COL4A1: variants seen among roughly 807,000 people sequenced by gnomAD.
COL4A1 encodes collagen alpha-1(IV) chain.
In COL4A1, 40 loss-of-function variants were observed where a neutral mutation model predicts 216.6. That is an observed-to-expected ratio of 0.18 (90% CI 0.14 to 0.24). The LOEUF is 0.24. Ranked by LOEUF, COL4A1 falls within the 10% of genes least tolerant of loss-of-function variation. The probability of loss-of-function intolerance (pLI) is 1.00; values close to 1 mark genes in which losing one functional copy is unlikely to be tolerated. For missense variants in COL4A1, 1,628 were observed against 2,196.8 expected, an observed-to-expected ratio of 0.74 and a Z score of 5.18; for synonymous variants, 839 against 810.7, an observed-to-expected ratio of 1.03 and a Z score of -0.59.
Position 110,174,615 on chromosome 13 carries a change from T to G in COL4A1, c.3325+8A>C, listed in dbSNP as rs769342033. 9.9e-6 allele frequency: 16 copies of G among 1,613,858 alleles called. No homozygotes were observed. Among genetic ancestry groups the G allele is most frequent in the African/African-American group, 1.3e-5 (1 of 74,776 alleles). On this transcript the variant is annotated splice_region_variant and intron_variant, in intron 38 of 51. Transcript: ENST00000375820. ...TCCCCAAGTCCAAGAGAAGCCCCCC[T>G]CACCTACCTGGATAGCCAACACTCC...
At chr13:110,208,124 G>A (rs1879602853) in intron 12 of COL4A1, among the ~76,000 whole-genome samples, 1 of 152,226 alleles carries the variant, frequency 6.6e-6, no homozygotes, top group Admixed American at 6.5e-5. Flanking sequence ...GCCTTCCACA[G>A]GCTGGCTACA....
At chr13:110,192,077 G>C in intron 24 of COL4A1, 137 bp downstream of exon 24, 1 of 854,318 alleles carries the variant, frequency 1.2e-6, no homozygotes, top group Non-Finnish European at 1.9e-6. Flanking sequence ...AGTCACTCCA[G>C]AGGGCTCGAC....
At chr13:110,166,092 G>T in intron 45 of COL4A1, 140 bp downstream of exon 45, 1 of 744,544 alleles carries the variant, frequency 1.3e-6, no homozygotes, top group East Asian at 2.5e-5. Context: ...TTGCTGCAAA[G>T]AATTCCCTAT....
intron 45 of COL4A1, among the ~76,000 whole-genome samples, chr13:110,165,570 CCCTTCCACACACCCTCCCTCA>C (rs1287604602): frequency 5.3e-5 from 8 of 151,706 alleles, no homozygotes; most frequent in Admixed American, 2.0e-4. Context: ...ACCCTCCCTC[CCCTTCCACACACCCTCCCTCA>C]CCTTCCACAC....
At chr13:110,164,465 C>T (rs148984732) in intron 46 of COL4A1, among the ~76,000 whole-genome samples, 2 of 152,168 alleles carry the variant, frequency 1.3e-5, no homozygotes, top group South Asian at 2.1e-4. Context: ...GAGAATTGTA[C>T]AGACAGTGCC....
chr13:110,181,173 T>C (rs574324963), intron 29 of COL4A1, 119 bp downstream of exon 29: 2 of 923,448 alleles, frequency 2.2e-6, no homozygotes, highest in South Asian at 2.8e-5. Context: ...TGTTATTTCA[T>C]CAAAAACAAA....
intron 1 of COL4A1, among the ~76,000 whole-genome samples, chr13:110,261,031 C>T (rs1225012175): frequency 2.9e-3 from 8 of 2,764 alleles, no homozygotes; most frequent in Non-Finnish European, 3.2e-3. Context: ...AGCGAGACTC[C>T]GTCTCAAAAA....
chr13:110,277,573 G>A (rs925069049), intron 1 of COL4A1, among the ~76,000 whole-genome samples: 2 of 150,658 alleles, frequency 1.3e-5, no homozygotes, highest in African/African-American at 2.5e-5. Flanking sequence ...CAAATCTCTC[G>A]GAACTGCTGT....
In COL4A1 at chr13:110,212,868, A is replaced by G. The variant is rs770831165; in HGVS notation, c.280-250T>C. ...CACTGCAAAGATATGGAACCAACCTAAGTACCTACCAACCAACGAGTGGAT... is the reference window on the plus strand; with the variant it reads ...CACTGCAAAGATATGGAACCAACCTGAGTACCTACCAACCAACGAGTGGAT... On this transcript the variant is annotated intron_variant, in intron 4 of 51. Transcript: ENST00000375820. 7.2e-5 allele frequency among the ~76,000 whole-genome samples: 11 copies of G among 152,298 alleles called. No homozygotes were observed. In the South Asian group the frequency reaches 8.3e-4, roughly 11 times the overall value.
At chr13:110,288,424 C>T (rs982981470) in intron 1 of COL4A1, among the ~76,000 whole-genome samples, 12 of 152,090 alleles carry the variant, frequency 7.9e-5, no homozygotes, top group Non-Finnish European at 1.5e-4. Flanking sequence ...ATCCATGGCT[C>T]AGGAGATCAG....
chr13:110,191,634 G>C, intron 24 of COL4A1: 1 of 688,608 alleles, frequency 1.5e-6, no homozygotes, highest in South Asian at 1.6e-5. Flanking sequence ...TTTCATTTAT[G>C]GATTTGAAAA....
At chr13:110,176,564 TG>T in intron 35 of COL4A1, 51 bp from the exon 36 acceptor site, 1 of 1,593,982 alleles carries the variant, frequency 6.3e-7, no homozygotes, top group Non-Finnish European at 8.6e-7. Flanking sequence ...CAGAAAGAGC[TG>T]GGGAACACAG....
rs672601346 is a variant in COL4A1, at chr13:110,179,352, C to T, written c.2263G>A (p.Gly755Arg). The T allele has an allele frequency of 6.2e-7, 1 of 1,614,112 alleles. No homozygotes were observed. Among genetic ancestry groups the T allele is most frequent in the Non-Finnish European group, 8.5e-7 (1 of 1,180,004 alleles). ...PGLPGIPGTPGEKGSIGVPGV... is the reference protein window; with the variant it reads ...PGLPGIPGTPREKGSIGVPGV... Reference sequence around the variant, plus strand: ...GGTACCCCAATGCTCCCCTTCTCCCCGGGTGTGCCAGGAATGCCGGGAAGA... The same window carrying T: ...GGTACCCCAATGCTCCCCTTCTCCCTGGGTGTGCCAGGAATGCCGGGAAGA... The change falls in exon 30 of 52, where the codon GGG becomes AGG. Residue 755 changes from glycine (G) to arginine (R), a missense_variant. By Grantham distance (125) the Gly-to-Arg change is moderately radical. Around this residue, in one of 8 missense-constraint regions of COL4A1, gnomAD observed 701 missense variants for 892.5 expected, o/e 0.79. Transcript: ENST00000375820.
chr13:110,168,051 G>C (rs536170016), intron 43 of COL4A1, among the ~76,000 whole-genome samples: 1 of 151,424 alleles, frequency 6.6e-6, no homozygotes, highest in Admixed American at 6.6e-5. Context: ...ACAGAGTCTC[G>C]CTCTGTCATC....
chr13:110,209,842 G>T, intron 10 of COL4A1, 138 bp downstream of exon 10: 1 of 1,064,032 alleles, frequency 9.4e-7, no homozygotes, highest in Non-Finnish European at 1.5e-6. Context: ...TTTAGTAAGA[G>T]GGAAGCTGAT....
rs1876482157 is a variant in COL4A1, at chr13:110,151,192, T to A, written c.4929-748A>T. ...TCATCCTAAAATTGAGGCTGCTTAT[T>A]TTATTAACTTTTGGTGCAAATTCTA... On this transcript the variant is annotated intron_variant, in intron 51 of 51. Coordinates refer to ENST00000375820, the MANE Select transcript of COL4A1 (RefSeq NM_001845.6). Among the ~76,000 whole-genome samples, 22 of 152,316 alleles carry A rather than the reference T, an allele frequency of 1.4e-4. No individual in the cohort carries two copies. The South Asian group carries it at 4.6e-3, about 32-fold the overall frequency.
chr13:110,186,650 A>G, intron 25 of COL4A1, 97 bp from the exon 26 acceptor site: 1 of 1,456,214 alleles, frequency 6.9e-7, no homozygotes, highest in Non-Finnish European at 9.4e-7. Flanking sequence ...TAAGTACTAG[A>G]GTTAACTGGC....
At chr13:110,219,933 T>C (rs1305465985) in intron 2 of COL4A1, among the ~76,000 whole-genome samples, 20 of 105,630 alleles carry the variant, frequency 1.9e-4, no homozygotes, top group African/African-American at 7.2e-4. Context: ...TATGTATGTA[T>C]ATGTGTGTGT....
intron 2 of COL4A1, among the ~76,000 whole-genome samples, chr13:110,240,476 C>T (rs1363762921): frequency 6.6e-6 from 1 of 152,244 alleles, no homozygotes; most frequent in African/African-American, 2.4e-5. Context: ...CCTCGGGACA[C>T]AACTTCCACG....
Sources: gnomAD v4.1 joint callset for allele counts (sites outside exome capture counted in the v4.1 genomes callset) on GRCh38, gnomAD v4.1.1 for gene constraint, gnomAD v4.1.1 regional missense constraint, MANE v1.5 for transcripts, NCBI Gene and HGNC (gene_info 2026-07-23, HGNC 2026-07-21) for gene names.